Variants in NAA11 observed in about 807,000 individuals in gnomAD.
The protein encoded by NAA11 is N-alpha-acetyltransferase 11, NatA catalytic subunit.
NAA11 carries 15 observed loss-of-function variants against 16.1 expected under a neutral mutation model. The ratio of observed to expected loss-of-function variants is 0.93; its 90% CI spans 0.62 to 1.44. The LOEUF is 1.44. Ranked by LOEUF, NAA11 falls within the 40% of genes most tolerant of loss-of-function variation. The pLI, the probability that NAA11 is intolerant of heterozygous loss-of-function variation, is 0.00. For synonymous variants in NAA11, 122 were observed against 112.4 expected (o/e 1.09, Z -0.54); for missense variants, 298 against 291.3 (o/e 1.02, Z -0.17).
At chr4:79,229,564 C>G (rs1265441686) in intron 2 of NAA11, among the ~76,000 whole-genome samples, 1 of 151,948 alleles carries the variant, frequency 6.6e-6, no homozygotes, top group African/African-American at 2.4e-5. Context: ...ATTAGACCTA[C>G]ACTCACTTTC....
the NAA11 span, among the ~76,000 whole-genome samples, chr4:79,185,042 G>A: frequency 6.6e-6 from 1 of 151,994 alleles, no homozygotes; most frequent in African/African-American, 2.4e-5. Flanking sequence ...GATTTTGTAC[G>A]TGAATTTTAC....
chr4:79,173,049 A>T, the NAA11 span, among the ~76,000 whole-genome samples: 12 of 152,156 alleles, frequency 7.9e-5, no homozygotes, highest in African/African-American at 2.9e-4. Context: ...AAATAACACC[A>T]ATATGGAAAC....
chr4:79,312,552 G>A (rs534328125), downstream of NAA11, among the ~76,000 whole-genome samples: 8 of 151,040 alleles, frequency 5.3e-5, no homozygotes, highest in Non-Finnish European at 8.8e-5. Context: ...TCGGGAGGCT[G>A]AGGCAGGAGA....
the NAA11 span, among the ~76,000 whole-genome samples, chr4:79,183,289 T>C: frequency 1.3e-5 from 2 of 152,186 alleles, no homozygotes; most frequent in Non-Finnish European, 2.9e-5. Flanking sequence ...TGGCATTGCA[T>C]ACAATTTCAA....
the NAA11 span, among the ~76,000 whole-genome samples, chr4:79,200,617 G>A: frequency 6.6e-6 from 1 of 151,896 alleles, no homozygotes; most frequent in East Asian, 1.9e-4. Flanking sequence ...AGAAGCCATA[G>A]GAGAGATGAA....
At chr4:79,189,145 C>CAAAAAAAAAAAA in the NAA11 span, among the ~76,000 whole-genome samples, 11 of 42,292 alleles carry the variant, frequency 2.6e-4, no homozygotes, top group African/African-American at 7.4e-4. Flanking sequence ...GACTCCATCT[C>CAAAAAAAAAAAA]AAAAAAAAAA....
the NAA11 span, among the ~76,000 whole-genome samples, chr4:79,163,764 A>G: frequency 6.6e-6 from 1 of 152,210 alleles, no homozygotes; most frequent in Non-Finnish European, 1.5e-5. Context: ...AGACACAATG[A>G]AAAGATCCTG....
At chr4:79,159,834 T>C in the NAA11 span, among the ~76,000 whole-genome samples, 110 of 152,304 alleles carry the variant, frequency 7.2e-4, 1 homozygote, top group African/African-American at 2.6e-3. Flanking sequence ...TCTTTTCACT[T>C]AATATAATGT....
chr4:79,165,282 C>T, the NAA11 span, among the ~76,000 whole-genome samples: 2 of 152,188 alleles, frequency 1.3e-5, no homozygotes, highest in Non-Finnish European at 2.9e-5. Context: ...CTGTCAACCA[C>T]ATCTCCCCAA....
intron 2 of NAA11, among the ~76,000 whole-genome samples, chr4:79,251,786 A>G (rs1482911982): frequency 6.6e-6 from 1 of 152,224 alleles, no homozygotes; most frequent in Non-Finnish European, 1.5e-5. Context: ...CCAGATCCAT[A>G]TGAATAAAAC....
chr4:79,164,289 C>A, the NAA11 span, among the ~76,000 whole-genome samples: 1 of 152,216 alleles, frequency 6.6e-6, no homozygotes, highest in Non-Finnish European at 1.5e-5. Flanking sequence ...ACCAAATGTT[C>A]ATTTTGCAGC....
the NAA11 span, among the ~76,000 whole-genome samples, chr4:79,220,236 G>T: frequency 6.6e-6 from 1 of 152,190 alleles, no homozygotes; most frequent in African/African-American, 2.4e-5. Context: ...AAGATTACAG[G>T]CAGGCGCCAC....
chr4:79,236,183 C>A (rs1721565604), intron 2 of NAA11, among the ~76,000 whole-genome samples: 1 of 152,060 alleles, frequency 6.6e-6, no homozygotes, highest in Admixed American at 6.6e-5. Flanking sequence ...AATGCAAAGA[C>A]AAAGTATTGA....
the NAA11 span, among the ~76,000 whole-genome samples, chr4:79,183,423 A>G: frequency 9.4e-6 from 1 of 106,746 alleles, no homozygotes; most frequent in Non-Finnish European, 2.1e-5. Context: ...GCCTAAAAAG[A>G]TACAGTATTA....
chr4:79,206,373 CT>C, the NAA11 span, among the ~76,000 whole-genome samples: 1 of 152,148 alleles, frequency 6.6e-6, no homozygotes, highest in African/African-American at 2.4e-5. Context: ...TCTTCAAAGA[CT>C]TTCCCCCCCA....
chr4:79,164,286 G>A, the NAA11 span, among the ~76,000 whole-genome samples: 3 of 152,206 alleles, frequency 2.0e-5, no homozygotes, highest in African/African-American at 7.2e-5. Flanking sequence ...GAGACCAAAT[G>A]TTCATTTTGC....
intron 1 of NAA11, among the ~76,000 whole-genome samples, chr4:79,303,714 T>C (rs1723478825): frequency 1.3e-5 from 2 of 152,228 alleles, no homozygotes; most frequent in Non-Finnish European, 2.9e-5. Flanking sequence ...ACTTGGGTAA[T>C]GGACGTTACC....
the NAA11 span, among the ~76,000 whole-genome samples, chr4:79,195,199 CAA>C: frequency 6.6e-6 from 1 of 151,954 alleles, no homozygotes; most frequent in African/African-American, 2.4e-5. Context: ...ACTACTAAAA[CAA>C]AGAGAATAAA....
At chr4:79,165,828 A>C in the NAA11 span, among the ~76,000 whole-genome samples, 1 of 152,202 alleles carries the variant, frequency 6.6e-6, no homozygotes, top group African/African-American at 2.4e-5. Context: ...ATTTATTCCT[A>C]ATAGTGGTTA....
Sources: gnomAD v4.1 joint callset for allele counts (sites outside exome capture counted in the v4.1 genomes callset) on GRCh38, gnomAD v4.1.1 for gene constraint, MANE v1.5 for transcripts, NCBI Gene and HGNC (gene_info 2026-07-23, HGNC 2026-07-21) for gene names.